Variants in UBE4A observed in about 807,000 individuals in gnomAD.
UBE4A encodes the protein ubiquitin conjugation factor E4 A.
A neutral mutation model predicts 117.9 loss-of-function variants in UBE4A; 48 were observed. That is an observed-to-expected ratio of 0.41 (90% CI 0.32 to 0.52). UBE4A has a LOEUF of 0.52. Among genes scored for constraint, UBE4A ranks in the 20% least tolerant of loss-of-function variants. The pLI, the probability that UBE4A is intolerant of heterozygous loss-of-function variation, is 0.33. For missense variants in UBE4A, 1,067 were observed against 1,296.3 expected (o/e 0.82, Z 2.72); for synonymous variants, 407 against 450.0 (o/e 0.90, Z 1.21).
At position 118,365,006 on chromosome 11, in the gene UBE4A, G is replaced by A. The variant is rs1028958634; in HGVS notation, c.-41-34G>A. The A allele has an allele frequency of 1.2e-5, 18 of 1,505,228 alleles. No individual in the cohort carries two copies. In the African/African-American group the frequency reaches 2.3e-4, roughly 19 times the overall value. 93.2% of individuals were successfully genotyped at this position (1,505,228 alleles called of 1,614,324 possible). On this transcript the variant is annotated intron_variant, in intron 1 of 19. Transcript: ENST00000252108. ...GTATATTACAGCTATTGTGTCATCT[G>A]CCCTCTTGTGTCTAATACCTGTCCT...
At chr11:118,375,421 G>A (rs1367407285) in intron 9 of UBE4A, among the ~76,000 whole-genome samples, 192 bp downstream of exon 9, 5 of 151,764 alleles carry the variant, frequency 3.3e-5, no homozygotes, top group East Asian at 3.9e-4. Context: ...GTGCAGTGAC[G>A]CTATCTTGGC....
In UBE4A at chr11:118,382,870, A is replaced by G. The variant is rs376305310; in HGVS notation, c.2197+94A>G. On this transcript the variant is annotated intron_variant, in intron 13 of 19. Coordinates refer to ENST00000252108, the MANE Select transcript of UBE4A (RefSeq NM_001204077.2). ...GTATTTGGATATCAAAGAAATGTCAAGCCATTACTTATTGAATACCTACTA... is the reference window on the plus strand; with the variant it reads ...GTATTTGGATATCAAAGAAATGTCAGGCCATTACTTATTGAATACCTACTA... 92 of 1,235,154 alleles carry G rather than the reference A, an allele frequency of 7.4e-5. No homozygotes were observed. The East Asian group carries it at 1.8e-3, about 24-fold the overall frequency. The allele number at this position is 1,235,154 out of a possible 1,614,324, so 76.5% of individuals were successfully genotyped here.
chr11:118,388,405 C>T lies in UBE4A; in HGVS notation c.2588-1320C>T, dbSNP rs890908367. On this transcript the variant is annotated intron_variant, in intron 16 of 19. Transcript: ENST00000252108. ...GTGGCTCACGCCTGTAATCCCAGCACTTTGGGAGGTCGAGGCAAGCAGATC... is the reference window on the plus strand; with the variant it reads ...GTGGCTCACGCCTGTAATCCCAGCATTTTGGGAGGTCGAGGCAAGCAGATC... 1.3e-5 allele frequency among the ~76,000 whole-genome samples: 2 copies of T among 152,074 alleles called. 1 individual carries two copies. Among genetic ancestry groups the T allele is most frequent in the Admixed American group, 1.3e-4 (2 of 15,264 alleles).
chr11:118,379,646 T>C lies in UBE4A; in HGVS notation c.1772T>C (p.Met591Thr). The part of the protein sequence containing the change: ...LQNCLNLQVS[M>T]AVLLVQLAIG... ...AACTGCCTAAACTTGCAGGTGTCCATGGCTGTTCTACTGGTTCAACTGGCC... is the reference window on the plus strand; with the variant it reads ...AACTGCCTAAACTTGCAGGTGTCCACGGCTGTTCTACTGGTTCAACTGGCC... The change falls in exon 11 of 20, where the codon ATG becomes ACG. Residue 591 changes from methionine (M) to threonine (T), a missense_variant. Met to Thr is a moderately conservative substitution (Grantham distance 81). This residue lies in a region of UBE4A where 1,001 missense variants were observed against 1,184.0 expected (regional missense o/e 0.85). Coordinates refer to ENST00000252108, the MANE Select transcript of UBE4A (RefSeq NM_001204077.2). 1 of 1,614,214 alleles carries C rather than the reference T, an allele frequency of 6.2e-7. No homozygotes were observed. The highest frequency in any genetic ancestry group is 2.2e-5 in the East Asian group (1 of 44,888).
intron 4 of UBE4A, 130 bp downstream of exon 4, chr11:118,369,665 T>A (rs1463941491): frequency 3.8e-5 from 23 of 603,756 alleles, no homozygotes; most frequent in Non-Finnish European, 5.4e-5. Flanking sequence ...TTTTTTTTTT[T>A]ACCAGTAGAA....
chr11:118,391,250 A>G (rs1948813537), intron 18 of UBE4A, among the ~76,000 whole-genome samples: 1 of 152,176 alleles, frequency 6.6e-6, no homozygotes, highest in Non-Finnish European at 1.5e-5. Flanking sequence ...GCATTTTGGG[A>G]AGCCAGGGTG....
In UBE4A at chr11:118,365,194, A is replaced by G. The variant is rs745534265; in HGVS notation, c.114A>G (p.Gln38=). Residue 38 remains glutamine (Q), a synonymous_variant, in exon 2 of 20, where the codon CAA becomes CAG. Transcript: ENST00000252108. ...FAAIQKEQLK[Q]QSDELPASPD... The stretch of plus-strand genomic sequence containing the variant: ...CAATCCAAAAAGAGCAGCTGAAGCA[A>G]CAATCTGGTAAGTGGAGGAGCCAAT... The G allele has an allele frequency of 1.9e-6, 3 of 1,608,406 alleles. No homozygotes were observed. Among genetic ancestry groups the G allele is most frequent in the Non-Finnish European group, 1.7e-6 (2 of 1,177,532 alleles).
At chr11:118,375,255 A>AAT in intron 9 of UBE4A, 26 bp downstream of exon 9, 1 of 1,514,312 alleles carries the variant, frequency 6.6e-7, no homozygotes. Flanking sequence ...GCTTCTCAAA[A>AAT]CTGTGTGTGT....
At chr11:118,364,706 G>A (rs1162724827) in intron 1 of UBE4A, among the ~76,000 whole-genome samples, 1 of 152,048 alleles carries the variant, frequency 6.6e-6, no homozygotes, top group Non-Finnish European at 1.5e-5. Flanking sequence ...ATTAGTAGGT[G>A]AGTTCTCTCT....
In UBE4A at chr11:118,372,663, G is replaced by T; in HGVS notation, c.718G>T (p.Ala240Ser). ...VDLMLEAIQGAHFEDVTEFLE... is the reference protein window; with the variant it reads ...VDLMLEAIQGSHFEDVTEFLE... Reference sequence around the variant, plus strand: ...TTTGATGTTAGAAGCCATCCAGGGAGCCCGTGAGTACATGAACAAGATCTG... The same window carrying T: ...TTTGATGTTAGAAGCCATCCAGGGATCCCGTGAGTACATGAACAAGATCTG... The change falls in exon 6 of 20, where the codon GCC (alanine) becomes TCC (serine). Residue 240 changes from alanine (A) to serine (S), a missense_variant. This residue lies in a region of UBE4A where 1,001 missense variants were observed against 1,184.0 expected (regional missense o/e 0.85). Coordinates refer to ENST00000252108, the MANE Select transcript of UBE4A (RefSeq NM_001204077.2). 1.9e-6 allele frequency: 3 copies of T among 1,613,722 alleles called. No individual in the cohort carries two copies. Among genetic ancestry groups the T allele is most frequent in the South Asian group, 2.2e-5 (2 of 91,024 alleles).
intron 4 of UBE4A, among the ~76,000 whole-genome samples, chr11:118,370,792 C>T (rs1948602526): frequency 6.6e-6 from 1 of 152,198 alleles, no homozygotes; most frequent in Non-Finnish European, 1.5e-5. Flanking sequence ...ACCATGAGGA[C>T]GCATGCAAGG....
At position 118,376,583 on chromosome 11, in the gene UBE4A, A is replaced by G; in HGVS notation, c.1460A>G (p.Lys487Arg). ...TTTTAACTTCTTTGAGGTTTGGACA[A>G]AGAAACCTGTTTGATCCCAGCTGTG... ...IKNVHMRGLD[K>R]ETCLIPAVQE... is the part of the protein sequence containing the mutation. The change falls in exon 10 of 20, where the codon AAA (lysine) becomes AGA (arginine). Residue 487 changes from lysine to arginine, a missense_variant. Lys to Arg is a conservative substitution (Grantham distance 26). Transcript: ENST00000252108. 6.2e-7 allele frequency: 1 copy of G among 1,613,860 alleles called. No homozygotes were observed. The highest frequency in any genetic ancestry group is 8.5e-7 in the Non-Finnish European group (1 of 1,179,928).
At position 118,393,183 on chromosome 11, in the gene UBE4A, G is replaced by A. The variant is rs538801842; in HGVS notation, c.3074+288G>A. On this transcript the variant is annotated intron_variant, in intron 19 of 19. Coordinates refer to ENST00000252108, the MANE Select transcript of UBE4A (RefSeq NM_001204077.2). The stretch of plus-strand genomic sequence containing the variant: ...TGTAATCCCAGCACTTTGGGAGGCC[G>A]AGGCAGGTGGATCACTTGAGGTCAG... 2.3e-3 allele frequency among the ~76,000 whole-genome samples: 348 copies of A among 152,194 alleles called. 2 individuals carry two copies. Among genetic ancestry groups the A allele is most frequent in the African/African-American group, 7.9e-3 (330 of 41,548 alleles).
At chr11:118,372,814 C>A in intron 6 of UBE4A, 148 bp downstream of exon 6, 1 of 1,208,908 alleles carries the variant, frequency 8.3e-7, no homozygotes, top group Non-Finnish European at 1.2e-6. Flanking sequence ...AGGTTGAGTA[C>A]CAATAGAATA....
At chr11:118,371,406 A>C (rs975021761) in intron 4 of UBE4A, 108 bp from the exon 5 acceptor site, 7 of 1,371,350 alleles carry the variant, frequency 5.1e-6, no homozygotes, top group Non-Finnish European at 6.9e-6. Context: ...CTCTACATTC[A>C]AATCTGTGAT....
At chr11:118,371,211 A>G (rs1948605840) in intron 4 of UBE4A, among the ~76,000 whole-genome samples, 1 of 152,230 alleles carries the variant, frequency 6.6e-6, no homozygotes, top group Non-Finnish European at 1.5e-5. Context: ...CACACAGAAT[A>G]GTAGATTTCA....
chr11:118,380,838 C>T (rs551388136), intron 11 of UBE4A, among the ~76,000 whole-genome samples: 2 of 152,302 alleles, frequency 1.3e-5, no homozygotes, highest in Non-Finnish European at 2.9e-5. Flanking sequence ...AAATACTACT[C>T]ATGATATGGC....
intron 2 of UBE4A, among the ~76,000 whole-genome samples, chr11:118,365,819 A>G (rs1948558175): frequency 1.3e-5 from 2 of 152,220 alleles, no homozygotes; most frequent in South Asian, 4.1e-4. Flanking sequence ...ATAACATCTC[A>G]GTAATCAGAA....
At chr11:118,362,657 G>A (rs1166780797) in intron 1 of UBE4A, among the ~76,000 whole-genome samples, 4 of 152,206 alleles carry the variant, frequency 2.6e-5, no homozygotes, top group African/African-American at 7.2e-5. Flanking sequence ...TCTAGTGTAT[G>A]TTGGCTTGGT....
Sources: allele counts gnomAD v4.1 joint callset (sites outside exome capture counted in the v4.1 genomes callset), GRCh38; gene constraint gnomAD v4.1.1; regional missense constraint gnomAD v4.1.1; transcripts MANE v1.5; gene names NCBI Gene and HGNC (gene_info 2026-07-23, HGNC 2026-07-21).